MTHFD1: variants seen among roughly 807,000 people sequenced by gnomAD.
MTHFD1 encodes the protein C-1-tetrahydrofolate synthase, cytoplasmic.
Under a neutral mutation model 110.3 loss-of-function variants are expected in MTHFD1, and 44 were observed. That is an observed-to-expected ratio of 0.40 (90% CI 0.31 to 0.51). The LOEUF is 0.51. MTHFD1 is among the 20% of genes least tolerant of loss of function. The probability of loss-of-function intolerance (pLI) is 0.60; values close to 1 mark genes in which losing one functional copy is unlikely to be tolerated. For synonymous variants in MTHFD1, 402 were observed against 428.8 expected, an observed-to-expected ratio of 0.94 and a Z score of 0.77; for missense variants, 909 against 1,173.1, an observed-to-expected ratio of 0.77 and a Z score of 3.29.
At position 64,411,164 on chromosome 14, in the gene MTHFD1, G is replaced by A. The variant is rs751623217; in HGVS notation, c.186+15G>A. The A allele has an allele frequency of 9.9e-6, 16 of 1,608,086 alleles. No homozygotes were observed. Among genetic ancestry groups the A allele is most frequent in the Non-Finnish European group, 1.3e-5 (15 of 1,176,078 alleles). On this transcript the variant is annotated intron_variant, in intron 3 of 27. Coordinates refer to ENST00000652337, the MANE Select transcript of MTHFD1 (RefSeq NM_005956.4). ...CTGCTGAAGAGGTAACGCCAGAAGAGCTGTGCCATCACCCTCCCCAACCTC... is the reference window on the plus strand; with the variant it reads ...CTGCTGAAGAGGTAACGCCAGAAGAACTGTGCCATCACCCTCCCCAACCTC...
At chr14:64,432,474 T>C (rs2078167619) in intron 15 of MTHFD1, among the ~76,000 whole-genome samples, 1 of 152,214 alleles carries the variant, frequency 6.6e-6, no homozygotes, top group South Asian at 2.1e-4. Context: ...GGAACTAATC[T>C]AAATGTCTTT....
At chr14:64,433,759 G>C (rs1263212989) in intron 15 of MTHFD1, among the ~76,000 whole-genome samples, 1 of 148,112 alleles carries the variant, frequency 6.8e-6, no homozygotes, top group African/African-American at 2.5e-5. Context: ...GGCCAGGCGT[G>C]GTGGCTCATA....
chr14:64,434,949 C>CTTTTTTTT lies in MTHFD1; in HGVS notation c.1495-601_1495-594dup, dbSNP rs374039248. 3.0e-4 allele frequency among the ~76,000 whole-genome samples: 24 copies of CTTTTTTTT among 80,862 alleles called. 1 individual carries two copies. The highest frequency in any genetic ancestry group is 4.8e-4 in the East Asian group (1 of 2,072). The allele number at this position is 80,862 out of a possible 152,430, so 53.0% of individuals were successfully genotyped here. A position where few individuals can be genotyped will look rare whatever the true frequency, so the allele number is the denominator to read the frequency against. Reference sequence around the variant, plus strand: ...GACTACGTGAAGCTCTCCCTCTTTTCTTTTTTTTTTTTTTTTTTTTTTTTT... The same window carrying CTTTTTTTT: ...GACTACGTGAAGCTCTCCCTCTTTTCTTTTTTTTTTTTTTTTTTTTTTTTTTTTTTTTT... On this transcript the variant is annotated intron_variant, in intron 15 of 27. Coordinates refer to ENST00000652337, the MANE Select transcript of MTHFD1 (RefSeq NM_005956.4).
In MTHFD1 at chr14:64,460,017, C is replaced by T; in HGVS notation, c.*263C>T. ...AAACAAGTTTGCCATCTTGGTGTTG[C>T]AATATGAATTACAGCCTTAACAGAC... On this transcript the variant is annotated 3_prime_UTR_variant, in exon 28 of 28. Coordinates refer to ENST00000652337, the MANE Select transcript of MTHFD1 (RefSeq NM_005956.4). 8.5e-7 allele frequency: 1 copy of T among 1,172,682 alleles called. No homozygotes were observed. The highest frequency in any genetic ancestry group is 1.2e-6 in the Non-Finnish European group (1 of 835,088). 72.6% of individuals were successfully genotyped at this position (1,172,682 alleles called of 1,614,324 possible).
chr14:64,443,956 G>T (rs1366386370), intron 21 of MTHFD1, among the ~76,000 whole-genome samples: 1 of 152,180 alleles, frequency 6.6e-6, no homozygotes, highest in Non-Finnish European at 1.5e-5. Context: ...CCCTTCTGGA[G>T]TTGGAGCACA....
At chr14:64,445,356 G>A (rs2078282000) in intron 22 of MTHFD1, among the ~76,000 whole-genome samples, 1 of 152,126 alleles carries the variant, frequency 6.6e-6, no homozygotes, top group Non-Finnish European at 1.5e-5. Flanking sequence ...TCTAGACAAA[G>A]CTTCCTGGAT....
chr14:64,388,451 C>A lies in MTHFD1; in HGVS notation c.24C>A (p.Asn8Lys), dbSNP rs1255014936. Residue 8 changes from asparagine (N) to lysine (K), a missense_variant, in exon 1 of 28, where the codon AAC becomes AAA. Around this residue, in one of 3 missense-constraint regions of MTHFD1, gnomAD observed 424 missense variants for 510.4 expected, o/e 0.83. Transcript: ENST00000652337. MAPAEILNGKEISAQIRA... is the reference protein window; with the variant it reads MAPAEILKGKEISAQIRA... ...CCATGGCGCCAGCAGAAATCCTGAA[C>A]GGGAAGGAGATCTCCGCGTAAGCAC... is the stretch of plus-strand genomic sequence containing the variant. 2 of 1,613,890 alleles carry A rather than the reference C, an allele frequency of 1.2e-6. No homozygotes were observed. The highest frequency in any genetic ancestry group is 1.7e-6 in the Non-Finnish European group (2 of 1,180,014).
intron 25 of MTHFD1, among the ~76,000 whole-genome samples, chr14:64,454,116 AG>A (rs2078424374): frequency 6.6e-6 from 1 of 152,086 alleles, no homozygotes; most frequent in Admixed American, 6.6e-5. Context: ...GAACGTCTCC[AG>A]TTTTTGTTAT....
At chr14:64,393,345 G>A (rs890716016) in intron 1 of MTHFD1, among the ~76,000 whole-genome samples, 11 of 151,824 alleles carry the variant, frequency 7.2e-5, no homozygotes, top group African/African-American at 2.4e-4. Flanking sequence ...GTTGCAGTGA[G>A]CCAGTGAGCC....
chr14:64,420,388 A>C (rs1392857656), intron 8 of MTHFD1, among the ~76,000 whole-genome samples: 1 of 152,196 alleles, frequency 6.6e-6, no homozygotes, highest in Non-Finnish European at 1.5e-5. Context: ...GGATAAATCT[A>C]GCCTTTTAAT....
Position 64,417,670 on chromosome 14 carries a change from CA to C in MTHFD1, c.479-213del, listed in dbSNP as rs1355748533. On this transcript the variant is annotated intron_variant, in intron 6 of 27. Coordinates refer to ENST00000652337, the MANE Select transcript of MTHFD1 (RefSeq NM_005956.4). The surrounding 1 kb of genome is among the most constrained non-coding windows in gnomAD (Gnocchi z 4.4). ...GAATGATCTTGGCTTAAGCTGCTCC[CA>C]AAAACCCACGGCCAGAAGGACACAA... Among the ~76,000 whole-genome samples, 1 of 152,166 alleles carries C rather than the reference CA, an allele frequency of 6.6e-6. No individual in the cohort carries two copies. Among genetic ancestry groups the C allele is most frequent in the Non-Finnish European group, 1.5e-5 (1 of 68,024 alleles).
chr14:64,419,859 A>C lies in MTHFD1; in HGVS notation c.661A>C (p.Met221Leu), dbSNP rs2078055109. ...GGTGGTTGCAACTGGTCAGCCTGAA[A>C]TGGTTAAAGGGGAGTGGATCAAACC... is the stretch of plus-strand genomic sequence containing the variant. ...ILVVATGQPE[M>L]VKGEWIKPGA... Residue 221 changes from methionine (M) to leucine (L), a missense_variant, in exon 8 of 28, where the codon ATG becomes CTG. Physicochemically the swap from Met to Leu is conservative, Grantham distance 15 (BLOSUM62 2). This residue lies in a region of MTHFD1 where 424 missense variants were observed against 510.4 expected (regional missense o/e 0.83). Transcript: ENST00000652337. 1.2e-6 allele frequency: 2 copies of C among 1,614,140 alleles called. No individual in the cohort carries two copies. Among genetic ancestry groups the C allele is most frequent in the Non-Finnish European group, 1.7e-6 (2 of 1,180,002 alleles).
chr14:64,411,217 C>T, intron 3 of MTHFD1, 68 bp downstream of exon 3: 4 of 1,224,996 alleles, frequency 3.3e-6, no homozygotes, highest in Non-Finnish European at 3.6e-6. Context: ...TTACCCCTTG[C>T]CCTTTTTGGT....
intron 26 of MTHFD1, among the ~76,000 whole-genome samples, chr14:64,457,176 A>G (rs1224032448): frequency 6.6e-6 from 1 of 152,240 alleles, no homozygotes; most frequent in Non-Finnish European, 1.5e-5. Context: ...AAAGGATACT[A>G]ACTCCTACCA....
At position 64,431,876 on chromosome 14, in the gene MTHFD1, T is replaced by C; in HGVS notation, c.1494+15T>C. On this transcript the variant is annotated intron_variant, in intron 15 of 27. Transcript: ENST00000652337. The stretch of plus-strand genomic sequence containing the variant: ...GAAGGTTAAAGGTAAGCTTTTTTTC[T>C]TCCACATTTTTTATATTGTATGGAA... 1 of 1,608,930 alleles carries C rather than the reference T, an allele frequency of 6.2e-7. No individual in the cohort carries two copies. Among genetic ancestry groups the C allele is most frequent in the Non-Finnish European group, 8.5e-7 (1 of 1,175,250 alleles).
chr14:64,459,721 GCTT>G (rs1415111616), intron 27 of MTHFD1, 35 bp from the exon 28 acceptor site: 25 of 1,059,736 alleles, frequency 2.4e-5, no homozygotes, highest in Non-Finnish European at 3.0e-5. Context: ...TTCAGTGCTT[GCTT>G]AGAGAAAACA....
chr14:64,404,009 A>G (rs1596533825), intron 2 of MTHFD1, among the ~76,000 whole-genome samples: 1 of 152,212 alleles, frequency 6.6e-6, no homozygotes, highest in East Asian at 1.9e-4. Flanking sequence ...GTAGTCTTAC[A>G]CACCATTGCT....
intron 20 of MTHFD1, 29 bp from the exon 21 acceptor site, chr14:64,442,234 C>T (rs1470725672): frequency 1.2e-6 from 2 of 1,614,078 alleles, no homozygotes; most frequent in Admixed American, 3.3e-5. Context: ...ATTGGGATGG[C>T]ATTTTTACTG....
At chr14:64,433,748 A>C (rs1596548550) in intron 15 of MTHFD1, among the ~76,000 whole-genome samples, 1 of 130,304 alleles carries the variant, frequency 7.7e-6, no homozygotes, top group Non-Finnish European at 1.6e-5. Context: ...AGAGATGAGG[A>C]GGCCAGGCGT....
Sources: allele counts gnomAD v4.1 joint callset (sites outside exome capture counted in the v4.1 genomes callset), GRCh38; gene constraint gnomAD v4.1.1; regional missense constraint gnomAD v4.1.1; non-coding constraint Gnocchi (gnomAD v3.1); transcripts MANE v1.5; gene names NCBI Gene and HGNC (gene_info 2026-07-23, HGNC 2026-07-21).